EBLN2: variants seen among roughly 807,000 people sequenced by gnomAD.
The protein encoded by EBLN2 is endogenous Bornavirus-like nucleoprotein 2.
For missense variants in EBLN2, 397 were observed against 324.2 expected (o/e 1.22, Z -1.72); for synonymous variants, 131 against 113.6 (o/e 1.15, Z -0.97).
Position 73,062,921 on chromosome 3 carries a change from A to G in EBLN2, c.*21A>G. ...GTTAGTTGCCAAGAAAGCACAGATG[A>G]CAACCTATTAATGCTGTGAGAATGT... On this transcript the variant is annotated 3_prime_UTR_variant, in exon 1 of 1. Coordinates refer to ENST00000533473, the MANE Select transcript of EBLN2 (RefSeq NM_018029.4). The G allele has an allele frequency of 6.3e-7, 1 of 1,591,840 alleles. No homozygotes were observed. The highest frequency in any genetic ancestry group is 2.2e-5 in the East Asian group (1 of 44,778).
In EBLN2 at chr3:73,062,368, G is replaced by A; in HGVS notation, c.287G>A (p.Ser96Asn). The change falls in exon 1 of 1, where the codon AGC becomes AAC. Residue 96 changes from serine to asparagine, a missense_variant. By Grantham distance (46) the Ser-to-Asn change is conservative. Transcript: ENST00000533473. The part of the protein sequence containing the change: ...YPLDALEPQP[S>N]IGDIKDIKKA... ...CTGGATGCATTGGAACCCCAACCCA[G>A]CATTGGGGATATTAAGGACATTAAA... 1 of 1,606,960 alleles carries A rather than the reference G, an allele frequency of 6.2e-7. No homozygotes were observed. Among genetic ancestry groups the A allele is most frequent in the Non-Finnish European group, 8.5e-7 (1 of 1,178,068 alleles).
chr3:73,062,652 A>G lies in EBLN2; in HGVS notation c.571A>G (p.Ile191Val), dbSNP rs1218080251. The change falls in exon 1 of 1, where the codon ATA becomes GTA. Residue 191 changes from isoleucine (I) to valine (V), a missense_variant. Physicochemically the swap from Ile to Val is conservative, Grantham distance 29. Coordinates refer to ENST00000533473, the MANE Select transcript of EBLN2 (RefSeq NM_018029.4). ...TCTCCGCCACTGCTGTGACCTTTTG[A>G]TAGGCATTGCGGCTGGATCAAGTGA... ...SVLRHCCDLL[I>V]GIAAGSSDKI... The G allele has an allele frequency of 1.9e-6, 3 of 1,613,844 alleles. No homozygotes were observed. The South Asian group carries it at 3.3e-5, about 18-fold the overall frequency.
In EBLN2 at chr3:73,063,245, A is replaced by C; in HGVS notation, c.*345A>C. 1 of 311,552 alleles carries C rather than the reference A, an allele frequency of 3.2e-6. No individual in the cohort carries two copies. The highest frequency in any genetic ancestry group is 6.2e-6 in the Non-Finnish European group (1 of 160,484). 19.3% of individuals were successfully genotyped at this position (311,552 alleles called of 1,614,324 possible). ...TTGCTTCAAATGGCATCTACCCCGT[A>C]AGATCTTGAGGGGGGAGTGTTGGGT... On this transcript the variant is annotated 3_prime_UTR_variant, in exon 1 of 1. Coordinates refer to ENST00000533473, the MANE Select transcript of EBLN2 (RefSeq NM_018029.4).
In EBLN2 at chr3:73,062,483, T is replaced by C. The variant is rs1702885218; in HGVS notation, c.402T>C (p.Asp134=). ...TAGTATTCTTGTGTTTCATATTTGA[T>C]GGGTTACACCAGGCATTACTGAGTG... The part of the protein sequence containing the change: ...PSLVFLCFIF[D]GLHQALLSVG... Residue 134 remains aspartate (D), a synonymous_variant, in exon 1 of 1, where the codon GAT becomes GAC. Transcript: ENST00000533473. 6.2e-7 allele frequency: 1 copy of C among 1,613,282 alleles called. No individual in the cohort carries two copies. The highest frequency in any genetic ancestry group is 1.7e-5 in the Admixed American group (1 of 59,844).
Position 73,062,851 on chromosome 3 carries a change from T to A in EBLN2, c.770T>A (p.Leu257Gln), listed in dbSNP as rs1049696443. 3 of 1,613,680 alleles carry A rather than the reference T, an allele frequency of 1.9e-6. No homozygotes were observed. The highest frequency in any genetic ancestry group is 2.7e-5 in the African/African-American group (2 of 74,872). The change falls in exon 1 of 1, where the codon CTA becomes CAA. Residue 257 changes from leucine (L) to glutamine (Q), a missense_variant. Leu to Gln is a moderately radical substitution (Grantham distance 113). Transcript: ENST00000533473. ...PWVGELMFTLLFGDFESPLHK... is the reference protein window; with the variant it reads ...PWVGELMFTLQFGDFESPLHK... ...GTTGGAGAATTAATGTTCACACTTCTATTTGGAGACTTTGAATCCCCTCTA... is the reference window on the plus strand; with the variant it reads ...GTTGGAGAATTAATGTTCACACTTCAATTTGGAGACTTTGAATCCCCTCTA...
rs755392232 is a variant in EBLN2 at position 73,062,848 on chromosome 3, T to G, written c.767T>G (p.Leu256Arg). 1.9e-6 allele frequency: 3 copies of G among 1,613,804 alleles called. No individual in the cohort carries two copies. The South Asian group carries it at 3.3e-5, about 18-fold the overall frequency. Residue 256 changes from leucine to arginine, a missense_variant, in exon 1 of 1, where the codon CTT becomes CGT. Leu to Arg is a moderately radical substitution (Grantham distance 102). Transcript: ENST00000533473. ...RPWVGELMFT[L>R]LFGDFESPLH... ...TGGGTTGGAGAATTAATGTTCACAC[T>G]TCTATTTGGAGACTTTGAATCCCCT...
Position 73,062,919 on chromosome 3 carries a change from T to A in EBLN2, c.*19T>A. 1 of 1,594,546 alleles carries A rather than the reference T, an allele frequency of 6.3e-7. No homozygotes were observed. The highest frequency in any genetic ancestry group is 8.6e-7 in the Non-Finnish European group (1 of 1,164,556). On this transcript the variant is annotated 3_prime_UTR_variant, in exon 1 of 1. Coordinates refer to ENST00000533473, the MANE Select transcript of EBLN2 (RefSeq NM_018029.4). ...AAGTTAGTTGCCAAGAAAGCACAGA[T>A]GACAACCTATTAATGCTGTGAGAAT...
chr3:73,062,122 A>T lies in EBLN2; in HGVS notation c.41A>T (p.His14Leu), dbSNP rs1379661942. 3.2e-6 allele frequency: 5 copies of T among 1,548,810 alleles called. No homozygotes were observed. Among genetic ancestry groups the T allele is most frequent in the Non-Finnish European group, 4.4e-6 (5 of 1,147,130 alleles). ...AAATTGTATGCTTATGTTAATTCTC[A>T]CAGTCTTTTTGTTTGGGTCTGTGAC... The part of the protein sequence containing the change: ...FLKLYAYVNS[H>L]SLFVWVCDRS... Residue 14 changes from histidine (H) to leucine (L), a missense_variant, in exon 1 of 1, where the codon CAC (histidine) becomes CTC (leucine). By Grantham distance (99) the His-to-Leu change is moderately conservative. Transcript: ENST00000533473.
Position 73,063,219 on chromosome 3 carries a change from T to A in EBLN2, c.*319T>A. 2.8e-6 allele frequency: 1 copy of A among 361,366 alleles called. No homozygotes were observed. The highest frequency in any genetic ancestry group is 5.3e-6 in the Non-Finnish European group (1 of 190,272). The allele number at this position is 361,366 out of a possible 1,614,324, so 22.4% of individuals were successfully genotyped here. ...TACCAGGATCAACCATCACACTCCCTTTGCTTCAAATGGCATCTACCCCGT... is the reference window on the plus strand; with the variant it reads ...TACCAGGATCAACCATCACACTCCCATTGCTTCAAATGGCATCTACCCCGT... On this transcript the variant is annotated 3_prime_UTR_variant, in exon 1 of 1. Transcript: ENST00000533473.
chr3:73,062,875 TA>T, the EBLN2 span: 1 of 1,613,296 alleles, frequency 6.2e-7, no homozygotes, highest in Non-Finnish European at 8.5e-7. Context: ...GAATCCCCTC[TA>T]CACAAGCTAC....
rs529221106 is a variant in EBLN2 at position 73,061,971 on chromosome 3, A to G, written c.-111A>G. The G allele has an allele frequency of 1.1e-5, 8 of 697,226 alleles. No homozygotes were observed. The highest frequency in any genetic ancestry group is 1.9e-5 in the Non-Finnish European group (8 of 418,746). The allele number at this position is 697,226 out of a possible 1,614,324, so 43.2% of individuals were successfully genotyped here. A position where few individuals can be genotyped will look rare whatever the true frequency, so the allele number is the denominator to read the frequency against. On this transcript the variant is annotated 5_prime_UTR_variant, in exon 1 of 1. It adds an upstream start codon to the 5' untranslated region. Transcript: ENST00000533473. ...TGACAGAAAAACTATTAAAATGTAT[A>G]CATGATAAAAATTTCTTTTATGAAG... is the stretch of plus-strand genomic sequence containing the variant.
In EBLN2 at chr3:73,062,879, C is replaced by G. The variant is rs371423367; in HGVS notation, c.798C>G (p.His266Gln). 2.4e-5 allele frequency: 38 copies of G among 1,611,124 alleles called. No individual in the cohort carries two copies. The African/African-American group carries it at 5.0e-4, about 21-fold the overall frequency. The change falls in exon 1 of 1, where the codon CAC becomes CAG. Residue 266 changes from histidine (H) to glutamine (Q), a missense_variant. Transcript: ENST00000533473. ...TTGGAGACTTTGAATCCCCTCTACA[C>G]AAGCTACGCAAGTCAAGTTAGTTGC... ...LLFGDFESPL[H>Q]KLRKSS
Position 73,061,884 on chromosome 3 carries a change from G to A in EBLN2, c.-198G>A. 1.9e-6 allele frequency: 1 copy of A among 517,646 alleles called. No homozygotes were observed. Among genetic ancestry groups the A allele is most frequent in the Non-Finnish European group, 3.5e-6 (1 of 289,424 alleles). 32.1% of individuals were successfully genotyped at this position (517,646 alleles called of 1,614,324 possible). On this transcript the variant is annotated 5_prime_UTR_variant, in exon 1 of 1. It removes an upstream start codon present in the reference 5' UTR. Transcript: ENST00000533473. Reference sequence around the variant, plus strand: ...AGCCCAGTCAATTTGTTTTTAGAATGTTCCCAAGAATATAGTTATGTTGCT... The same window carrying A: ...AGCCCAGTCAATTTGTTTTTAGAATATTCCCAAGAATATAGTTATGTTGCT...
rs1702899045 is a variant in EBLN2, at chr3:73,062,877, C to T, written c.796C>T (p.His266Tyr). ...LLFGDFESPL[H>Y]KLRKSS ...ATTTGGAGACTTTGAATCCCCTCTA[C>T]ACAAGCTACGCAAGTCAAGTTAGTT... The change falls in exon 1 of 1, where the codon CAC (histidine) becomes TAC (tyrosine). Residue 266 changes from histidine (H) to tyrosine (Y), a missense_variant. His to Tyr is a moderately conservative substitution (Grantham distance 83). Coordinates refer to ENST00000533473, the MANE Select transcript of EBLN2 (RefSeq NM_018029.4). 1.2e-6 allele frequency: 2 copies of T among 1,613,300 alleles called. No homozygotes were observed. Among genetic ancestry groups the T allele is most frequent in the Non-Finnish European group, 1.7e-6 (2 of 1,179,616 alleles).
the EBLN2 span, chr3:73,062,861 CTT>C: frequency 7.4e-6 from 12 of 1,613,672 alleles, no homozygotes; most frequent in Non-Finnish European, 1.0e-5. Context: ...TATTTGGAGA[CTT>C]TGAATCCCCT....
In EBLN2 at chr3:73,063,262, G is replaced by GT; in HGVS notation, c.*363dup. ...TACCCCGTAAGATCTTGAGGGGGGA[G>GT]TGTTGGGTGGAATCATAGATCCATG... On this transcript the variant is annotated 3_prime_UTR_variant, in exon 1 of 1. Coordinates refer to ENST00000533473, the MANE Select transcript of EBLN2 (RefSeq NM_018029.4). 3.6e-6 allele frequency: 1 copy of GT among 279,762 alleles called. No individual in the cohort carries two copies. Among genetic ancestry groups the GT allele is most frequent in the Middle Eastern group, 1.2e-3 (1 of 802 alleles). The allele number at this position is 279,762 out of a possible 1,614,324, so 17.3% of individuals were successfully genotyped here.
chr3:73,063,016 A>G lies in EBLN2; in HGVS notation c.*116A>G, dbSNP rs1241423915. On this transcript the variant is annotated 3_prime_UTR_variant, in exon 1 of 1. Transcript: ENST00000533473. ...GTGTCTGAGATCCCAGTCTTTGAGG[A>G]GAAAAAAAACAATGGTTAAAAAGGC... 14 of 983,584 alleles carry G rather than the reference A, an allele frequency of 1.4e-5. No homozygotes were observed. Among genetic ancestry groups the G allele is most frequent in the Non-Finnish European group, 2.2e-5 (14 of 649,118 alleles). The allele number at this position is 983,584 out of a possible 1,614,324, so 60.9% of individuals were successfully genotyped here. A position where few individuals can be genotyped will look rare whatever the true frequency, so the allele number is the denominator to read the frequency against.
chr3:73,062,138 G>A, the EBLN2 span: 5 of 1,546,416 alleles, frequency 3.2e-6, no homozygotes, highest in East Asian at 2.4e-5. Context: ...TTTTTGTTTG[G>A]GTCTGTGACA....
Position 73,062,711 on chromosome 3 carries a change from A to C in EBLN2, c.630A>C (p.Arg210Ser), listed in dbSNP as rs1211976741. 1 of 1,614,010 alleles carries C rather than the reference A, an allele frequency of 6.2e-7. No homozygotes were observed. The highest frequency in any genetic ancestry group is 8.5e-7 in the Non-Finnish European group (1 of 1,179,888). ...GCACCAGCAGTCTCCAAGTTCAGAGACGATTCAAGGCAATGATGGCATCTA... is the reference window on the plus strand; with the variant it reads ...GCACCAGCAGTCTCCAAGTTCAGAGCCGATTCAAGGCAATGATGGCATCTA... ...KICTSSLQVQ[R>S]RFKAMMASIG... Residue 210 changes from arginine (R) to serine (S), a missense_variant, in exon 1 of 1, where the codon AGA (arginine) becomes AGC (serine). By Grantham distance (110) the Arg-to-Ser change is moderately radical. Coordinates refer to ENST00000533473, the MANE Select transcript of EBLN2 (RefSeq NM_018029.4).
Sources: gnomAD v4.1 joint callset for allele counts on GRCh38, gnomAD v4.1.1 for gene constraint, MANE v1.5 for transcripts, NCBI Gene and HGNC (gene_info 2026-07-23, HGNC 2026-07-21) for gene names.